The following INPP4A variants were observed in gnomAD, a reference collection of about 807,000 sequenced individuals.
The protein encoded by INPP4A is inositol polyphosphate-4-phosphatase type I A.
Under a neutral mutation model 119.8 loss-of-function variants are expected in INPP4A, and 33 were observed. The observed-to-expected ratio is 0.28, with a 90% CI of 0.21 to 0.37. The LOEUF is 0.37. INPP4A is among the 10% of genes least tolerant of loss of function. INPP4A has a pLI of 1.00. For synonymous variants in INPP4A, 496 were observed against 500.7 expected (o/e 0.99, Z 0.12); for missense variants, 956 against 1,289.9 (o/e 0.74, Z 3.97).
At chr2:98,445,425 C>T (rs1383090720) in intron 1 of INPP4A, among the ~76,000 whole-genome samples, 2 of 152,240 alleles carry the variant, frequency 1.3e-5, no homozygotes, top group African/African-American at 4.8e-5. Context: ...AGCTGGAGGC[C>T]TTGCCGTGTT....
chr2:98,480,076 CA>C (rs1361377700), intron 1 of INPP4A, among the ~76,000 whole-genome samples: 2 of 152,256 alleles, frequency 1.3e-5, no homozygotes, highest in Admixed American at 1.3e-4. Flanking sequence ...TCCTTGCCAG[CA>C]CCTCCTCTGC....
At chr2:98,500,540 G>A (rs1212843500) in intron 1 of INPP4A, among the ~76,000 whole-genome samples, 1 of 152,196 alleles carries the variant, frequency 6.6e-6, no homozygotes, top group Non-Finnish European at 1.5e-5. Flanking sequence ...ACAGCAACGG[G>A]CTTGCAGTGG....
At chr2:98,454,270 T>C (rs1695711402) in intron 1 of INPP4A, among the ~76,000 whole-genome samples, 1 of 152,236 alleles carries the variant, frequency 6.6e-6, no homozygotes, top group Non-Finnish European at 1.5e-5. Context: ...GCCTTAACAC[T>C]GTCAGGACAG....
At chr2:98,468,668 G>T (rs1205364766) in intron 1 of INPP4A, among the ~76,000 whole-genome samples, 4 of 152,126 alleles carry the variant, frequency 2.6e-5, no homozygotes, top group Non-Finnish European at 4.4e-5. Flanking sequence ...TAAGAACTGT[G>T]GCATTTCTTT....
At chr2:98,583,925 C>T (rs892024687) in intron 24 of INPP4A, among the ~76,000 whole-genome samples, 1 of 152,234 alleles carries the variant, frequency 6.6e-6, no homozygotes, top group African/African-American at 2.4e-5. Context: ...ATGAGCACTG[C>T]AGGCTCCCTG....
At chr2:98,496,834 G>A (rs1474592624) in intron 1 of INPP4A, among the ~76,000 whole-genome samples, 1 of 152,174 alleles carries the variant, frequency 6.6e-6, no homozygotes, top group East Asian at 1.9e-4. Flanking sequence ...AAGAAGCTTG[G>A]GGCCTGGAGT....
intron 1 of INPP4A, among the ~76,000 whole-genome samples, chr2:98,479,110 G>A (rs997508208): frequency 6.6e-6 from 1 of 152,132 alleles, no homozygotes; most frequent in Non-Finnish European, 1.5e-5. Context: ...CACACTTCCA[G>A]TTGCCCTAGA....
At chr2:98,501,512 A>G (rs1683113633) in intron 1 of INPP4A, among the ~76,000 whole-genome samples, 1 of 152,072 alleles carries the variant, frequency 6.6e-6, no homozygotes, top group Non-Finnish European at 1.5e-5. Context: ...TTGTACACAG[A>G]ATGTTGAGGT....
intron 1 of INPP4A, among the ~76,000 whole-genome samples, chr2:98,504,522 G>T (rs1245583771): frequency 6.6e-6 from 1 of 152,154 alleles, no homozygotes; most frequent in Non-Finnish European, 1.5e-5. Flanking sequence ...AAACAGCATT[G>T]TAACGTTGGT....
intron 1 of INPP4A, among the ~76,000 whole-genome samples, chr2:98,488,928 A>T (rs1252418058): frequency 7.0e-6 from 1 of 143,256 alleles, no homozygotes; most frequent in Non-Finnish European, 1.5e-5. Flanking sequence ...GCTTTTGAGT[A>T]CATGCACTGT....
Position 98,562,329 on chromosome 2 carries a change from A to G in INPP4A, c.1856-1136A>G, listed in dbSNP as rs150937475. Among the ~76,000 whole-genome samples the G allele has an allele frequency of 3.8e-3, 576 of 151,896 alleles. 7 individuals are homozygous for G. The highest frequency in any genetic ancestry group is 0.013 in the African/African-American group (553 of 41,424). On this transcript the variant is annotated intron_variant, in intron 17 of 24. Coordinates refer to ENST00000409851, the MANE Select transcript of INPP4A (RefSeq NM_001134225.2). ...TGTAGGGAATTCTTTTATATGTTTC[A>G]GTATTTCTTTAGGTTGGTTTCTCAG...
At chr2:98,525,833 CAACAA>C (rs1166103591) in intron 4 of INPP4A, among the ~76,000 whole-genome samples, 1 of 152,144 alleles carries the variant, frequency 6.6e-6, no homozygotes, top group African/African-American at 2.4e-5. Flanking sequence ...ACAACAACAA[CAACAA>C]AACAAAACAC....
rs1292800429 is a variant in INPP4A at position 98,592,413 on chromosome 2, T to C, written c.*4805T>C. 6.6e-6 allele frequency: 1 copy of C among 152,216 alleles called. No individual in the cohort carries two copies. Among genetic ancestry groups the C allele is most frequent in the African/African-American group, 2.4e-5 (1 of 41,434 alleles). 9.4% of individuals were successfully genotyped at this position (152,216 alleles called of 1,614,324 possible). A position where few individuals can be genotyped will look rare whatever the true frequency, so the allele number is the denominator to read the frequency against. ...GCCTGACCTGGCCCCCGGCTGCCCA[T>C]GAGGGCCTCCAGAGAGGGGCAGAGC... On this transcript the variant is annotated 3_prime_UTR_variant, in exon 25 of 25. Coordinates refer to ENST00000409851, the MANE Select transcript of INPP4A (RefSeq NM_001134225.2).
intron 1 of INPP4A, among the ~76,000 whole-genome samples, chr2:98,486,388 T>C (rs1482357566): frequency 6.6e-6 from 1 of 152,212 alleles, no homozygotes; most frequent in South Asian, 2.1e-4. Flanking sequence ...CTCTGTTTGC[T>C]TTGCTTCCTC....
chr2:98,488,128 C>G (rs911336175), intron 1 of INPP4A, among the ~76,000 whole-genome samples: 7 of 152,252 alleles, frequency 4.6e-5, no homozygotes, highest in Non-Finnish European at 7.3e-5. Flanking sequence ...GCTCGTGTTC[C>G]TCTGACATAC....
chr2:98,574,090 G>A (rs1697990637), intron 23 of INPP4A, among the ~76,000 whole-genome samples: 1 of 152,126 alleles, frequency 6.6e-6, no homozygotes, highest in Non-Finnish European at 1.5e-5. Flanking sequence ...GGTTTCTCAG[G>A]CCTCATTTTT....
At position 98,572,284 on chromosome 2, in the gene INPP4A, G is replaced by A. The variant is rs935343560; in HGVS notation, c.2519-531G>A. Among the ~76,000 whole-genome samples the A allele has an allele frequency of 4.1e-4, 62 of 152,252 alleles. 1 individual carries two copies. Among genetic ancestry groups the A allele is most frequent in the Non-Finnish European group, 1.0e-4 (7 of 68,048 alleles). ...GAAGGGCCTAGAGACTGCCAGAGTGGAGGAGGAGCTGTTAGGATGTGGGAG... is the reference window on the plus strand; with the variant it reads ...GAAGGGCCTAGAGACTGCCAGAGTGAAGGAGGAGCTGTTAGGATGTGGGAG... On this transcript the variant is annotated intron_variant, in intron 22 of 24. Transcript: ENST00000409851.
At position 98,546,667 on chromosome 2, in the gene INPP4A, T is replaced by C. The variant is rs1259744740; in HGVS notation, c.1136T>C (p.Leu379Pro). Residue 379 changes from leucine to proline, a missense_variant, in exon 13 of 25, where the codon CTG becomes CCG. By Grantham distance (98) the Leu-to-Pro change is moderately conservative. Around this residue, in one of 2 missense-constraint regions of INPP4A, gnomAD observed 652 missense variants for 797.9 expected, o/e 0.82. Transcript: ENST00000409851. The surrounding 1 kb of genome is among the most constrained non-coding windows in gnomAD (Gnocchi z 4.2). ...AAGTCAGGAGGTCTCCGCAAAAAGC[T>C]GCACAAATTTGAAGAGACCAAGAAA... ...GFKSGGLRKK[L>P]HKFEETKKHT... 6.2e-7 allele frequency: 1 copy of C among 1,612,966 alleles called. No homozygotes were observed. Among genetic ancestry groups the C allele is most frequent in the East Asian group, 2.2e-5 (1 of 44,898 alleles).
intron 21 of INPP4A, among the ~76,000 whole-genome samples, chr2:98,567,538 T>C (rs1057066817): frequency 3.3e-5 from 5 of 152,156 alleles, no homozygotes; most frequent in African/African-American, 1.2e-4. Flanking sequence ...TGATGGTGCC[T>C]GCATCCAGTA....
Sources: allele counts gnomAD v4.1 joint callset (sites outside exome capture counted in the v4.1 genomes callset), GRCh38; gene constraint gnomAD v4.1.1; regional missense constraint gnomAD v4.1.1; non-coding constraint Gnocchi (gnomAD v3.1); transcripts MANE v1.5; gene names NCBI Gene and HGNC (gene_info 2026-07-23, HGNC 2026-07-21).